EPHA5: variants seen among roughly 807,000 people sequenced by gnomAD.
EPHA5 encodes ephrin type-A receptor 5.
In EPHA5, 60 loss-of-function variants were observed where a neutral mutation model predicts 105.0. That is an observed-to-expected ratio of 0.57 (90% confidence interval 0.46 to 0.71). EPHA5 has a LOEUF of 0.71. EPHA5 is among the 30% of genes least tolerant of loss of function. EPHA5 has a pLI of 0.00. For synonymous variants in EPHA5, 513 were observed against 449.1 expected (o/e 1.14, Z -1.80); for missense variants, 1,218 against 1,274.7 (o/e 0.96, Z 0.68).
At chr4:65,489,133 G>A (rs1470808600) in intron 5 of EPHA5, among the ~76,000 whole-genome samples, 6 of 151,884 alleles carry the variant, frequency 4.0e-5, no homozygotes, top group African/African-American at 1.2e-4. Flanking sequence ...TCCTGACCTC[G>A]TGATCCACCC....
At chr4:65,524,392 T>C (rs1013779865) in intron 3 of EPHA5, among the ~76,000 whole-genome samples, 9 of 151,782 alleles carry the variant, frequency 5.9e-5, no homozygotes, top group Admixed American at 3.9e-4. Flanking sequence ...ATTTTTATAC[T>C]CTAACAAACA....
At chr4:65,443,265 A>G (rs916695039) in intron 5 of EPHA5, among the ~76,000 whole-genome samples, 3 of 151,846 alleles carry the variant, frequency 2.0e-5, no homozygotes, top group African/African-American at 7.3e-5. Flanking sequence ...CCCTATCTGA[A>G]TTACATAAAG....
At chr4:65,569,580 T>A (rs2149372309) in intron 3 of EPHA5, among the ~76,000 whole-genome samples, 1 of 151,856 alleles carries the variant, frequency 6.6e-6, no homozygotes, top group South Asian at 2.1e-4. Context: ...TAAAAGAAGA[T>A]GATTTTGCTT....
At chr4:65,381,954 G>A (rs2148931723) in intron 8 of EPHA5, among the ~76,000 whole-genome samples, 1 of 151,908 alleles carries the variant, frequency 6.6e-6, no homozygotes, top group Middle Eastern at 3.4e-3. Context: ...AATACTTGAT[G>A]ACCCAAACTC....
At chr4:65,546,016 C>T (rs1475232213) in intron 3 of EPHA5, among the ~76,000 whole-genome samples, 4 of 151,900 alleles carry the variant, frequency 2.6e-5, no homozygotes, top group African/African-American at 7.2e-5. Context: ...CACAACTACT[C>T]GACTCTGAAT....
rs114473696 is a variant in EPHA5 at position 65,377,940 on chromosome 4, A to G, written c.1794-10516T>C. 4.9e-3 allele frequency among the ~76,000 whole-genome samples: 749 copies of G among 152,090 alleles called. 11 individuals carry two copies. The highest frequency in any genetic ancestry group is 0.017 in the African/African-American group (697 of 41,548). On this transcript the variant is annotated intron_variant, in intron 8 of 16. Transcript: ENST00000613740. ...AACAGAACTATAATGTGAGCTCAGT[A>G]GAGATAGGATATACCAGCAGGTCCA...
At chr4:65,533,637 T>C (rs1195639306) in intron 3 of EPHA5, among the ~76,000 whole-genome samples, 2 of 152,084 alleles carry the variant, frequency 1.3e-5, no homozygotes, top group Admixed American at 6.6e-5. Context: ...CCTTTACTTA[T>C]TGAAAGAGGG....
chr4:65,481,659 G>A (rs1309734148), intron 5 of EPHA5, among the ~76,000 whole-genome samples: 1 of 152,122 alleles, frequency 6.6e-6, no homozygotes, highest in Non-Finnish European at 1.5e-5. Context: ...TAATACTGAG[G>A]ACTAGAAGCT....
chr4:65,512,066 G>A (rs947583062), intron 3 of EPHA5, among the ~76,000 whole-genome samples: 3 of 152,116 alleles, frequency 2.0e-5, no homozygotes, highest in Admixed American at 6.6e-5. Flanking sequence ...TGCTATAAGA[G>A]GTTTTTAAGA....
At chr4:65,361,284 A>AGGTC (rs1314247859) in intron 11 of EPHA5, among the ~76,000 whole-genome samples, 30 of 151,824 alleles carry the variant, frequency 2.0e-4, no homozygotes, top group African/African-American at 7.2e-4. Context: ...TTAAACCTGA[A>AGGTC]GGTCGAGTAG....
intron 6 of EPHA5, among the ~76,000 whole-genome samples, chr4:65,416,095 T>A (rs1256388253): frequency 6.6e-6 from 1 of 152,076 alleles, no homozygotes; most frequent in African/African-American, 2.4e-5. Flanking sequence ...AGTAAGTAAG[T>A]TAAATGTCTG....
At chr4:65,443,702 AG>A (rs2149091097) in intron 5 of EPHA5, among the ~76,000 whole-genome samples, 1 of 152,266 alleles carries the variant, frequency 6.6e-6, no homozygotes, top group Admixed American at 6.5e-5. Context: ...GCAAGCTAAT[AG>A]GAAAGGCAAT....
intron 1 of EPHA5, among the ~76,000 whole-genome samples, chr4:65,657,808 T>C (rs1197435895): frequency 6.6e-6 from 1 of 150,508 alleles, no homozygotes; most frequent in East Asian, 2.0e-4. Flanking sequence ...ACTTCACTGA[T>C]ATTCCATATG....
chr4:65,352,991 T>A (rs1722962577), intron 12 of EPHA5, 51 bp downstream of exon 12: 1 of 1,278,998 alleles, frequency 7.8e-7, no homozygotes, highest in Admixed American at 2.1e-5. Flanking sequence ...CAGCACAACA[T>A]CACAATATAT....
At chr4:65,466,525 C>T (rs1376519354) in intron 5 of EPHA5, among the ~76,000 whole-genome samples, 3 of 152,064 alleles carry the variant, frequency 2.0e-5, no homozygotes, top group Admixed American at 1.3e-4. Flanking sequence ...CCTGTGGCTG[C>T]TGTATTAAAA....
chr4:65,517,235 C>A lies in EPHA5; in HGVS notation c.911-21692G>T, dbSNP rs1281194427. On this transcript the variant is annotated intron_variant, in intron 3 of 16. Coordinates refer to ENST00000613740, the MANE Select transcript of EPHA5 (RefSeq NM_001281766.3). ...ACATAATACTTTATTTTAACTGATA[C>A]TCCTTGTTCTGTAATCTATCTTTAT... Among the ~76,000 whole-genome samples the A allele has an allele frequency of 2.6e-5, 4 of 151,886 alleles. No individual in the cohort carries two copies. In the East Asian group the frequency reaches 5.8e-4, roughly 22 times the overall value.
chr4:65,506,194 G>A (rs967503084), intron 3 of EPHA5, among the ~76,000 whole-genome samples: 1 of 151,986 alleles, frequency 6.6e-6, no homozygotes, highest in African/African-American at 2.4e-5. Context: ...CTTTTTTATG[G>A]CTGCATAGTA....
chr4:65,497,725 CTT>C (rs1732082505), intron 3 of EPHA5, among the ~76,000 whole-genome samples: 1 of 151,956 alleles, frequency 6.6e-6, no homozygotes, highest in African/African-American at 2.4e-5. Flanking sequence ...AACTTAAACA[CTT>C]TATATTATAT....
intron 5 of EPHA5, among the ~76,000 whole-genome samples, chr4:65,462,045 T>G (rs765231447): frequency 1.3e-5 from 2 of 152,078 alleles, no homozygotes; most frequent in African/African-American, 2.4e-5. Flanking sequence ...GATAGGCAGA[T>G]AGATAGAATA....
Sources: allele counts gnomAD v4.1 joint callset (sites outside exome capture counted in the v4.1 genomes callset), GRCh38; gene constraint gnomAD v4.1.1; transcripts MANE v1.5; gene names NCBI Gene and HGNC (gene_info 2026-07-23, HGNC 2026-07-21).